Variants in TTC29 observed in about 807,000 individuals in gnomAD.
TTC29 encodes the protein tetratricopeptide repeat protein 29.
A neutral mutation model predicts 58.1 loss-of-function variants in TTC29; 49 were observed. The observed-to-expected ratio is 0.84, with a 90% confidence interval of 0.67 to 1.07. The LOEUF is 1.07. Among genes scored for constraint, TTC29 ranks in the 50% least tolerant of loss-of-function variants. TTC29 has a pLI of 0.00. For synonymous variants in TTC29, 209 were observed against 196.8 expected (o/e 1.06, Z -0.52); for missense variants, 582 against 555.6 (o/e 1.05, Z -0.48).
chr4:146,931,179 C>G, intron 4 of TTC29, among the ~76,000 whole-genome samples: 1 of 140,680 alleles, frequency 7.1e-6, no homozygotes, highest in East Asian at 2.0e-4. Flanking sequence ...CCTGTCTCTA[C>G]AAAAAAAAAA....
At chr4:146,879,480 C>A (rs1731484117) in intron 6 of TTC29, among the ~76,000 whole-genome samples, 1 of 151,916 alleles carries the variant, frequency 6.6e-6, no homozygotes. Context: ...TTCAATTTAC[C>A]TGAGAGAAAT....
At chr4:146,929,027 T>C (rs1282148611) in intron 4 of TTC29, among the ~76,000 whole-genome samples, 2 of 152,138 alleles carry the variant, frequency 1.3e-5, no homozygotes, top group Admixed American at 1.3e-4. Context: ...AAGATTCTTA[T>C]TGATCATCTA....
intron 7 of TTC29, among the ~76,000 whole-genome samples, chr4:146,868,063 C>A (rs1015239217): frequency 2.0e-5 from 3 of 152,158 alleles, no homozygotes; most frequent in Non-Finnish European, 4.4e-5. Context: ...GACTGACATT[C>A]AGCTAAGTTT....
intron 6 of TTC29, among the ~76,000 whole-genome samples, chr4:146,896,668 T>G (rs1018931141): frequency 1.3e-5 from 2 of 152,190 alleles, no homozygotes; most frequent in African/African-American, 4.8e-5. Context: ...CCTCAGGAAC[T>G]TCCATATTTG....
At chr4:146,928,447 T>C (rs1735085486) in intron 4 of TTC29, among the ~76,000 whole-genome samples, 1 of 152,222 alleles carries the variant, frequency 6.6e-6, no homozygotes, top group Non-Finnish European at 1.5e-5. Context: ...ACTATTATTT[T>C]TGCAAGAAGA....
intron 8 of TTC29, among the ~76,000 whole-genome samples, chr4:146,840,330 A>T (rs1436222482): frequency 6.6e-6 from 1 of 152,090 alleles, no homozygotes; most frequent in Non-Finnish European, 1.5e-5. Context: ...AGCTATTTCC[A>T]TTCCACCTTG....
intron 11 of TTC29, among the ~76,000 whole-genome samples, chr4:146,791,020 C>T (rs532734150): frequency 3.2e-4 from 49 of 152,276 alleles, no homozygotes; most frequent in African/African-American, 9.4e-4. Flanking sequence ...AAGTTTGTGT[C>T]AATATTTATG....
At chr4:146,768,612 A>G (rs1396141566) in intron 11 of TTC29, among the ~76,000 whole-genome samples, 1 of 151,926 alleles carries the variant, frequency 6.6e-6, no homozygotes, top group Non-Finnish European at 1.5e-5. Context: ...GAGCTGTGAA[A>G]CTGTGATGGA....
chr4:146,733,518 C>G (rs919273822), intron 11 of TTC29, among the ~76,000 whole-genome samples: 4 of 152,018 alleles, frequency 2.6e-5, no homozygotes, highest in Non-Finnish European at 1.5e-5. Flanking sequence ...CTTTAAGAAG[C>G]ATATTTTAAA....
intron 11 of TTC29, among the ~76,000 whole-genome samples, chr4:146,737,952 G>A (rs534972762): frequency 2.2e-4 from 33 of 152,248 alleles, no homozygotes; most frequent in South Asian, 6.2e-4. Context: ...CTTTGTCAGC[G>A]TTCCTAAGGA....
At chr4:146,799,567 C>T (rs925625283) in intron 11 of TTC29, among the ~76,000 whole-genome samples, 1 of 152,100 alleles carries the variant, frequency 6.6e-6, no homozygotes, top group Non-Finnish European at 1.5e-5. Flanking sequence ...ACGATGATAT[C>T]GTTGCCAGTC....
rs557106877 is a variant in TTC29 at position 146,875,119 on chromosome 4, T to G, written c.587-191A>C. ...TTGGACCTCAGTTTCAGCGTGAATT[T>G]TAGATACACACCTGCAAGAGGGATG... is the stretch of plus-strand genomic sequence containing the variant. On this transcript the variant is annotated intron_variant, in intron 6 of 12. Transcript: ENST00000325106. 3.9e-5 allele frequency among the ~76,000 whole-genome samples: 6 copies of G among 152,308 alleles called. No homozygotes were observed. In the South Asian group the frequency reaches 1.2e-3, roughly 32 times the overall value.
At chr4:146,793,806 C>G (rs1308797452) in intron 11 of TTC29, among the ~76,000 whole-genome samples, 1 of 152,010 alleles carries the variant, frequency 6.6e-6, no homozygotes, top group East Asian at 1.9e-4. Context: ...AGAAAAATTC[C>G]TATGTTAGAT....
intron 4 of TTC29, among the ~76,000 whole-genome samples, chr4:146,922,504 G>A (rs1349561651): frequency 1.3e-5 from 2 of 151,578 alleles, no homozygotes; most frequent in African/African-American, 4.8e-5. Flanking sequence ...TATAGTAACA[G>A]CTAACTCTTA....
At chr4:146,769,352 T>G (rs1747552072) in intron 11 of TTC29, among the ~76,000 whole-genome samples, 1 of 152,004 alleles carries the variant, frequency 6.6e-6, no homozygotes, top group Non-Finnish European at 1.5e-5. Context: ...AGCTTAATAT[T>G]TTCCTGATTT....
chr4:146,832,641 T>TTG (rs201136243), intron 9 of TTC29, among the ~76,000 whole-genome samples: 7,336 of 149,250 alleles, frequency 0.049, 240 homozygotes, highest in East Asian at 0.14. Context: ...CCAACTAATT[T>TTG]TGTGTGTGTG....
At chr4:146,757,411 G>A (rs931513159) in intron 11 of TTC29, among the ~76,000 whole-genome samples, 1 of 152,130 alleles carries the variant, frequency 6.6e-6, no homozygotes, top group Admixed American at 6.6e-5. Context: ...CTCAGCCGTG[G>A]ATACCAGTGC....
At chr4:146,887,966 G>T (rs917721471) in intron 6 of TTC29, among the ~76,000 whole-genome samples, 1 of 151,994 alleles carries the variant, frequency 6.6e-6, no homozygotes, top group Non-Finnish European at 1.5e-5. Flanking sequence ...AAGCCTTCAT[G>T]CTCCCCGAGA....
intron 9 of TTC29, among the ~76,000 whole-genome samples, chr4:146,828,756 A>T (rs1290426639): frequency 6.6e-6 from 1 of 152,190 alleles, no homozygotes; most frequent in East Asian, 1.9e-4. Context: ...ATACAAAATT[A>T]TCTGGAACTT....
Sources: allele counts gnomAD v4.1 joint callset (sites outside exome capture counted in the v4.1 genomes callset), GRCh38; gene constraint gnomAD v4.1.1; transcripts MANE v1.5; gene names NCBI Gene and HGNC (gene_info 2026-07-23, HGNC 2026-07-21).